SYN3: variants seen among roughly 807,000 people sequenced by gnomAD.
The protein encoded by SYN3 is synapsin III, also known as synapsin-3.
In SYN3, 35 loss-of-function variants were observed where a neutral mutation model predicts 65.8. The ratio of observed to expected loss-of-function variants is 0.53; its 90% CI spans 0.41 to 0.70. SYN3 has a LOEUF of 0.70. Ranked by LOEUF, SYN3 falls within the 30% of genes least tolerant of loss-of-function variation. The pLI, the probability that SYN3 is intolerant of heterozygous loss-of-function variation, is 0.00. For missense variants in SYN3, 680 were observed against 749.0 expected (o/e 0.91, Z 1.08); for synonymous variants, 270 against 292.9 (o/e 0.92, Z 0.80).
Position 32,836,629 on chromosome 22 carries a change from A to T in SYN3, c.711+28286T>A, listed in dbSNP as rs1460572214. 2.0e-5 allele frequency among the ~76,000 whole-genome samples: 3 copies of T among 152,184 alleles called. No individual in the cohort carries two copies. In the East Asian group the frequency reaches 5.8e-4, roughly 29 times the overall value. ...CTATGTATGGGCTCGTTTTTCTCGT[A>T]CCTGTTCCTACCTGAGTGCCCACTA... On this transcript the variant is annotated intron_variant, in intron 6 of 13. Coordinates refer to ENST00000358763, the MANE Select transcript of SYN3 (RefSeq NM_003490.4).
rs937862179 is a variant in SYN3, at chr22:32,508,178, C to G, written c.*5514G>C. Among the ~76,000 whole-genome samples the G allele has an allele frequency of 3.3e-5, 5 of 152,280 alleles. No individual in the cohort carries two copies. Among genetic ancestry groups the G allele is most frequent in the Non-Finnish European group, 5.9e-5 (4 of 68,026 alleles). On this transcript the variant is annotated 3_prime_UTR_variant, in exon 14 of 14. Transcript: ENST00000358763. ...GAATCACAAAAGAAGTGAAAAGGCC[C>G]TGCCCCGCCTTAACTGATGACATTC...
rs2057687780 is a variant in SYN3, at chr22:32,511,193, C to CAA, written c.*2497_*2498dup. Reference sequence around the variant, plus strand: ...CCCACTTGGCTTTCTTCAGAAATTCCAAGGGAGTGGTGAAAGAATTAAGTG... The same window carrying CAA: ...CCCACTTGGCTTTCTTCAGAAATTCCAAAAGGGAGTGGTGAAAGAATTAAGTG... On this transcript the variant is annotated 3_prime_UTR_variant, in exon 14 of 14. Transcript: ENST00000358763. Among the ~76,000 whole-genome samples the CAA allele has an allele frequency of 6.6e-6, 1 of 152,080 alleles. No homozygotes were observed. Among genetic ancestry groups the CAA allele is most frequent in the Admixed American group, 6.6e-5 (1 of 15,256 alleles).
intron 7 of SYN3, among the ~76,000 whole-genome samples, chr22:32,562,228 T>G (rs1311695755): frequency 1.3e-5 from 2 of 152,106 alleles, no homozygotes; most frequent in Non-Finnish European, 2.9e-5. Flanking sequence ...TTGCTGGTGG[T>G]TTTATAAAAG....
At chr22:32,734,909 C>G (rs1178408915) in intron 6 of SYN3, among the ~76,000 whole-genome samples, 2 of 152,190 alleles carry the variant, frequency 1.3e-5, no homozygotes, top group African/African-American at 4.8e-5. Flanking sequence ...GGCATCCATT[C>G]TATTCTCCTT....
chr22:32,979,290 A>G (rs1013037681), intron 3 of SYN3, among the ~76,000 whole-genome samples: 1 of 152,030 alleles, frequency 6.6e-6, no homozygotes, highest in African/African-American at 2.4e-5. Flanking sequence ...TCTTCTATAT[A>G]CTCGTTCTCC....
chr22:32,715,237 A>G (rs1457743945), intron 6 of SYN3, among the ~76,000 whole-genome samples: 1 of 152,228 alleles, frequency 6.6e-6, no homozygotes, highest in Non-Finnish European at 1.5e-5. Context: ...TCACTGAACT[A>G]TAAGAGCTGG....
chr22:32,679,048 C>CTTTTTTTTTTTTTTTTT (rs145971116), intron 6 of SYN3, among the ~76,000 whole-genome samples: 8 of 85,658 alleles, frequency 9.3e-5, no homozygotes, highest in African/African-American at 1.5e-4. Flanking sequence ...TTGTTTCTTT[C>CTTTTTTTTTTTTTTTTT]TTTTTTTTTT....
chr22:32,865,096 T>C, intron 5 of SYN3, 92 bp from the exon 6 acceptor site: 1 of 1,036,978 alleles, frequency 9.6e-7, no homozygotes, highest in African/African-American at 1.6e-5. Context: ...CATCTGACTG[T>C]TCTGAGCCGA....
intron 12 of SYN3, among the ~76,000 whole-genome samples, chr22:32,521,320 A>G (rs2146093027): frequency 1.3e-5 from 2 of 152,292 alleles, no homozygotes; most frequent in Admixed American, 1.3e-4. Flanking sequence ...TGCTCTGATC[A>G]AGGAAGCCGC....
At position 32,786,316 on chromosome 22, in the gene SYN3, G is replaced by A. The variant is rs1015655286; in HGVS notation, c.711+78599C>T. 7.2e-5 allele frequency among the ~76,000 whole-genome samples: 11 copies of A among 152,092 alleles called. No individual in the cohort carries two copies. The East Asian group carries it at 1.9e-3, about 27-fold the overall frequency. ...GCTCCACACTACAAAAGTTGATGGT[G>A]TCTTTATTTCTAGGAAGTACATATT... On this transcript the variant is annotated intron_variant, in intron 6 of 13. Coordinates refer to ENST00000358763, the MANE Select transcript of SYN3 (RefSeq NM_003490.4).
intron 6 of SYN3, among the ~76,000 whole-genome samples, chr22:32,848,423 C>G (rs1206386862): frequency 6.6e-6 from 1 of 152,172 alleles, no homozygotes; most frequent in Non-Finnish European, 1.5e-5. Context: ...GGTTTCACTT[C>G]TTGGTCTGTT....
At chr22:32,645,589 T>A (rs2059972263) in intron 6 of SYN3, among the ~76,000 whole-genome samples, 1 of 152,230 alleles carries the variant, frequency 6.6e-6, no homozygotes, top group African/African-American at 2.4e-5. Context: ...TGGATGATAT[T>A]TCTGAAACGT....
rs552063660 is a variant in SYN3 at position 32,569,771 on chromosome 22, C to T, written c.774+26903G>A. The stretch of plus-strand genomic sequence containing the variant: ...TTCTCTAAACCTTAATTTTCTCATC[C>T]GTAAAATGGGGTTTGTAATAGTACC... On this transcript the variant is annotated intron_variant, in intron 7 of 13. Transcript: ENST00000358763. Among the ~76,000 whole-genome samples, 5 of 152,084 alleles carry T rather than the reference C, an allele frequency of 3.3e-5. No homozygotes were observed. The South Asian group carries it at 8.3e-4, about 25-fold the overall frequency.
intron 6 of SYN3, among the ~76,000 whole-genome samples, chr22:32,716,599 C>T (rs892522819): frequency 3.3e-5 from 5 of 152,064 alleles, no homozygotes; most frequent in African/African-American, 7.2e-5. Context: ...GGCATGATCT[C>T]GGCTCATTGC....
At chr22:32,564,771 C>T (rs2058638941) in intron 7 of SYN3, among the ~76,000 whole-genome samples, 1 of 135,696 alleles carries the variant, frequency 7.4e-6, no homozygotes. Flanking sequence ...CCGCATTGTA[C>T]CCAAACAGTG....
chr22:33,007,354 G>C (rs2053222490), intron 1 of SYN3, among the ~76,000 whole-genome samples: 1 of 152,170 alleles, frequency 6.6e-6, no homozygotes, highest in South Asian at 2.1e-4. Flanking sequence ...TTATATTTTG[G>C]TAACGCAAGT....
chr22:32,551,841 G>A (rs1385719291), intron 7 of SYN3, among the ~76,000 whole-genome samples: 2 of 152,312 alleles, frequency 1.3e-5, no homozygotes, highest in East Asian at 3.9e-4. Flanking sequence ...GGAAGCAGAG[G>A]AGCAATTGCC....
At chr22:32,871,213 A>G (rs2048841643) in intron 4 of SYN3, among the ~76,000 whole-genome samples, 1 of 152,188 alleles carries the variant, frequency 6.6e-6, no homozygotes, top group African/African-American at 2.4e-5. Context: ...CATGGGAAAA[A>G]CAAAAAACAC....
chr22:32,603,064 C>A (rs961997660), intron 6 of SYN3, among the ~76,000 whole-genome samples: 1 of 151,652 alleles, frequency 6.6e-6, no homozygotes, highest in African/African-American at 2.4e-5. Flanking sequence ...GAAATGAAAC[C>A]GGATGCCATG....
Sources: allele counts gnomAD v4.1 joint callset (sites outside exome capture counted in the v4.1 genomes callset), GRCh38; gene constraint gnomAD v4.1.1; transcripts MANE v1.5; gene names NCBI Gene and HGNC (gene_info 2026-07-23, HGNC 2026-07-21).